The following BRSK2 variants were observed in gnomAD, a reference collection of about 807,000 sequenced individuals.
The protein encoded by BRSK2 is BR serine/threonine kinase 2.
BRSK2 carries 19 observed loss-of-function variants against 83.3 expected under a neutral mutation model. That is an observed-to-expected ratio of 0.23 (90% CI 0.16 to 0.33). BRSK2 has a LOEUF of 0.33. BRSK2 is among the 10% of genes least tolerant of loss of function. The probability of loss-of-function intolerance (pLI) is 1.00; values close to 1 mark genes in which losing one functional copy is unlikely to be tolerated. For missense variants in BRSK2, 798 were observed against 1,042.3 expected (o/e 0.77, Z 3.23); for synonymous variants, 519 against 435.4 (o/e 1.19, Z -2.39).
rs1345896857 is a variant in BRSK2, at chr11:1,454,509, G to T, written c.1569G>T (p.Gly523=). 3.1e-6 allele frequency: 5 copies of T among 1,613,068 alleles called. No individual in the cohort carries two copies. Among genetic ancestry groups the T allele is most frequent in the Admixed American group, 1.7e-5 (1 of 59,996 alleles). The stretch of plus-strand genomic sequence containing the variant: ...GGCTGGCGAAGAAGTCCTGGTTTGG[G>T]AACTTCATCAGCCTGGAGAAGGAGG... ...SPELAKKSWF[G]NFISLEKEEQ... Residue 523 remains glycine (G), a synonymous_variant, in exon 16 of 20, where the codon GGG becomes GGT. Coordinates refer to ENST00000528841, the MANE Select transcript of BRSK2 (RefSeq NM_001256627.2). The surrounding 1 kb of genome is among the most constrained non-coding windows in gnomAD (Gnocchi z 5.2).
chr11:1,455,815 G>A (rs556827377), intron 16 of BRSK2, among the ~76,000 whole-genome samples: 8 of 152,004 alleles, frequency 5.3e-5, no homozygotes, highest in Admixed American at 5.2e-4. Context: ...GGGTGGCCCT[G>A]AGTTCTGCTT....
Position 1,454,456 on chromosome 11 carries a change from C to A in BRSK2, c.1545-29C>A. On this transcript the variant is annotated intron_variant, in intron 15 of 19. Coordinates refer to ENST00000528841, the MANE Select transcript of BRSK2 (RefSeq NM_001256627.2). This position sits in a 1 kb window ranked among gnomAD's most constrained non-coding sequence, Gnocchi z 5.2. ...GGTGTGGACGGTGCCACACCTCAAT[C>A]CTCACAGCCTCTGTCTCCCACTGCC... is the stretch of plus-strand genomic sequence containing the variant. 1 of 1,611,978 alleles carries A rather than the reference C, an allele frequency of 6.2e-7. No individual in the cohort carries two copies. Among genetic ancestry groups the A allele is most frequent in the South Asian group, 1.1e-5 (1 of 91,006 alleles).
At chr11:1,436,541 G>T (rs928527556) in intron 2 of BRSK2, among the ~76,000 whole-genome samples, 1 of 152,134 alleles carries the variant, frequency 6.6e-6, no homozygotes, top group Non-Finnish European at 1.5e-5. Context: ...TTCCACTGGG[G>T]CCTGGCCTCC....
chr11:1,450,568 A>G lies in BRSK2; in HGVS notation c.1288-19A>G, dbSNP rs758649434. 1.7e-5 allele frequency: 25 copies of G among 1,465,310 alleles called. No individual in the cohort carries two copies. The highest frequency in any genetic ancestry group is 2.3e-5 in the Non-Finnish European group (25 of 1,075,840). The allele number at this position is 1,465,310 out of a possible 1,614,324, so 90.8% of individuals were successfully genotyped here. On this transcript the variant is annotated intron_variant, in intron 13 of 19. Coordinates refer to ENST00000528841, the MANE Select transcript of BRSK2 (RefSeq NM_001256627.2). Reference sequence around the variant, plus strand: ...CCGCCGGGATTGAACCAAACACCAAATCTGTCCCCACCATACAGGTGACCC... The same window carrying G: ...CCGCCGGGATTGAACCAAACACCAAGTCTGTCCCCACCATACAGGTGACCC...
intron 1 of BRSK2, among the ~76,000 whole-genome samples, chr11:1,416,171 T>C (rs1294430859): frequency 2.0e-5 from 3 of 152,214 alleles, no homozygotes; most frequent in Non-Finnish European, 4.4e-5. Flanking sequence ...AGTACAGTAA[T>C]GTTGGTGGAT....
chr11:1,421,693 C>T (rs1590413664), intron 1 of BRSK2, among the ~76,000 whole-genome samples: 1 of 152,102 alleles, frequency 6.6e-6, no homozygotes, highest in Admixed American at 6.5e-5. Context: ...GCCCCAGCTC[C>T]TGTGTCGGGG....
intron 18 of BRSK2, among the ~76,000 whole-genome samples, chr11:1,457,808 A>C (rs561117896): frequency 4.0e-5 from 6 of 150,604 alleles, no homozygotes; most frequent in South Asian, 2.1e-4. Context: ...GAGCCCCCCC[A>C]GAGTGTGCTT....
At chr11:1,426,967 G>T (rs1460713398) in intron 1 of BRSK2, among the ~76,000 whole-genome samples, 1 of 152,138 alleles carries the variant, frequency 6.6e-6, no homozygotes, top group South Asian at 2.1e-4. Context: ...TACCTGCTGC[G>T]CAACTTTAGT....
rs888377553 is a variant in BRSK2 at position 1,423,688 on chromosome 11, C to T, written c.92-12352C>T. On this transcript the variant is annotated intron_variant, in intron 1 of 19. Transcript: ENST00000528841. The surrounding 1 kb of genome is among the most constrained non-coding windows in gnomAD (Gnocchi z 6.5). Reference sequence around the variant, plus strand: ...CCCAAGCCTCCCCCGCTGGGCGTTCCGGGTGCCCCAGGCCTCCCCCGCTGG... The same window carrying T: ...CCCAAGCCTCCCCCGCTGGGCGTTCTGGGTGCCCCAGGCCTCCCCCGCTGG... Among the ~76,000 whole-genome samples the T allele has an allele frequency of 4.3e-5, 6 of 140,080 alleles. No homozygotes were observed. The highest frequency in any genetic ancestry group is 2.0e-4 in the East Asian group (1 of 4,952). The allele number at this position is 140,080 out of a possible 152,430, so 91.9% of individuals were successfully genotyped here. A position where few individuals can be genotyped will look rare whatever the true frequency, so the allele number is the denominator to read the frequency against.
chr11:1,403,082 G>A (rs1159396656), intron 1 of BRSK2, among the ~76,000 whole-genome samples: 1 of 152,150 alleles, frequency 6.6e-6, no homozygotes, highest in African/African-American at 2.4e-5. Context: ...GCAGGCCTCT[G>A]CCCGGCCTCT....
rs369030253 is a variant in BRSK2 at position 1,454,175 on chromosome 11, G to GA, written c.1545-310_1545-309insA. 30 of 256,412 alleles carry GA rather than the reference G, an allele frequency of 1.2e-4. No individual in the cohort carries two copies. Among genetic ancestry groups the GA allele is most frequent in the East Asian group, 7.7e-4 (8 of 10,426 alleles). The allele number at this position is 256,412 out of a possible 1,614,324, so 15.9% of individuals were successfully genotyped here. ...CTTGGTGAGGGGGGGCTCACCTGTG[G>GA]GGGGCTCACCTGTGGAGGGGCATCC... On this transcript the variant is annotated intron_variant, in intron 15 of 19. Coordinates refer to ENST00000528841, the MANE Select transcript of BRSK2 (RefSeq NM_001256627.2). The surrounding 1 kb of genome is among the most constrained non-coding windows in gnomAD (Gnocchi z 5.2).
At chr11:1,442,291 G>A (rs888977966) in intron 4 of BRSK2, among the ~76,000 whole-genome samples, 199 bp from the exon 5 acceptor site, 2 of 152,112 alleles carry the variant, frequency 1.3e-5, no homozygotes, top group African/African-American at 4.8e-5. Flanking sequence ...AGGGATGCCT[G>A]ACCAAAGGCC....
intron 1 of BRSK2, among the ~76,000 whole-genome samples, chr11:1,392,277 A>C (rs1300014782): frequency 6.6e-6 from 1 of 152,184 alleles, no homozygotes; most frequent in Non-Finnish European, 1.5e-5. Flanking sequence ...CCGTGGGAGA[A>C]CGGGAGGCTG....
rs1350658022 is a variant in BRSK2 at position 1,451,362 on chromosome 11, T to C, written c.1496-9T>C. ...CACGCCTTTCCTCCTGTTCATCCTGTGTGCACAGTTCCGACGCCGGAGGAG... is the reference window on the plus strand; with the variant it reads ...CACGCCTTTCCTCCTGTTCATCCTGCGTGCACAGTTCCGACGCCGGAGGAG... On this transcript the variant is annotated splice_polypyrimidine_tract_variant and intron_variant, in intron 14 of 19. Coordinates refer to ENST00000528841, the MANE Select transcript of BRSK2 (RefSeq NM_001256627.2). 10 of 1,612,942 alleles carry C rather than the reference T, an allele frequency of 6.2e-6. No individual in the cohort carries two copies. The highest frequency in any genetic ancestry group is 8.5e-6 in the Non-Finnish European group (10 of 1,179,864).
chr11:1,394,181 G>T (rs1845912329), intron 1 of BRSK2, among the ~76,000 whole-genome samples: 1 of 116,502 alleles, frequency 8.6e-6, no homozygotes, highest in Non-Finnish European at 1.8e-5. Flanking sequence ...CTGGAGATGG[G>T]CCCCTGGAGA....
At chr11:1,404,494 G>C (rs920593516) in intron 1 of BRSK2, among the ~76,000 whole-genome samples, 2 of 152,204 alleles carry the variant, frequency 1.3e-5, no homozygotes, top group Non-Finnish European at 2.9e-5. Flanking sequence ...CCCTGTCCCA[G>C]CACCCAGAGG....
chr11:1,457,907 G>A (rs1027522164), intron 18 of BRSK2, among the ~76,000 whole-genome samples: 2 of 152,156 alleles, frequency 1.3e-5, no homozygotes, highest in Non-Finnish European at 2.9e-5. Flanking sequence ...CCCTTCTCCT[G>A]ATTTTGGGAG....
At chr11:1,427,802 C>T (rs1849426734) in intron 1 of BRSK2, among the ~76,000 whole-genome samples, 1 of 152,200 alleles carries the variant, frequency 6.6e-6, no homozygotes, top group South Asian at 2.1e-4. Flanking sequence ...TTCCCCGCTC[C>T]AGCTTCCAGT....
At chr11:1,439,568 G>GC (rs1282855848) in intron 3 of BRSK2, among the ~76,000 whole-genome samples, 1 of 152,068 alleles carries the variant, frequency 6.6e-6, no homozygotes, top group East Asian at 1.9e-4. Context: ...GGCACAGCAG[G>GC]CCAAGGCCCA....
Sources: allele counts gnomAD v4.1 joint callset (sites outside exome capture counted in the v4.1 genomes callset), GRCh38; gene constraint gnomAD v4.1.1; non-coding constraint Gnocchi (gnomAD v3.1); transcripts MANE v1.5; gene names NCBI Gene and HGNC (gene_info 2026-07-23, HGNC 2026-07-21).